The following OCA2 variants were observed in gnomAD, a reference collection of about 807,000 sequenced individuals.
OCA2 encodes OCA2 melanosomal transmembrane protein.
A neutral mutation model predicts 100.2 loss-of-function variants in OCA2; 77 were observed. The ratio of observed to expected loss-of-function variants is 0.77; its 90% CI spans 0.64 to 0.93. The LOEUF (loss-of-function observed/expected upper bound fraction) is 0.93. Ranked by LOEUF, OCA2 falls within the 40% of genes least tolerant of loss-of-function variation. The pLI, the probability that OCA2 is intolerant of heterozygous loss-of-function variation, is 0.00. For synonymous variants in OCA2, 432 were observed against 439.2 expected, an observed-to-expected ratio of 0.98 and a Z score of 0.21; for missense variants, 1,062 against 1,089.1, an observed-to-expected ratio of 0.98 and a Z score of 0.35.
chr15:27,752,959 G>A (rs2030123820), downstream of OCA2, among the ~76,000 whole-genome samples: 1 of 151,994 alleles, frequency 6.6e-6, no homozygotes, highest in Non-Finnish European at 1.5e-5. Flanking sequence ...GAATCAAAGA[G>A]CCAGGCAGTG....
chr15:27,841,080 G>A (rs923873253), intron 23 of OCA2, among the ~76,000 whole-genome samples: 1 of 152,210 alleles, frequency 6.6e-6, no homozygotes, highest in Non-Finnish European at 1.5e-5. Flanking sequence ...TCTTCAGTGA[G>A]GAGATGACTA....
At position 27,837,883 on chromosome 15, in the gene OCA2, GAAA is replaced by G. The variant is rs71414520; in HGVS notation, c.2432+7073_2432+7075del. Among the ~76,000 whole-genome samples, 19 of 88,004 alleles carry G rather than the reference GAAA, an allele frequency of 2.2e-4. No individual in the cohort carries two copies. In the South Asian group the frequency reaches 6.5e-3, roughly 30 times the overall value. 57.7% of individuals were successfully genotyped at this position (88,004 alleles called of 152,430 possible). A position where few individuals can be genotyped will look rare whatever the true frequency, so the allele number is the denominator to read the frequency against. On this transcript the variant is annotated intron_variant, in intron 23 of 23. Coordinates refer to ENST00000354638, the MANE Select transcript of OCA2 (RefSeq NM_000275.3). Reference sequence around the variant, plus strand: ...AAATGAATGGAAATGCCCCACGACTGAAAAAAAAAAAAAAAAGAAAAAAAGCTG... The same window carrying G: ...AAATGAATGGAAATGCCCCACGACTGAAAAAAAAAAAAAGAAAAAAAGCTG...
At chr15:28,071,388 C>T (rs1470839738) in intron 2 of OCA2, among the ~76,000 whole-genome samples, 1 of 152,140 alleles carries the variant, frequency 6.6e-6, no homozygotes, top group Non-Finnish European at 1.5e-5. Context: ...AAACTACCAA[C>T]GTTCTTTACA....
At chr15:27,966,432 G>T (rs545865704) in intron 15 of OCA2, among the ~76,000 whole-genome samples, 23 of 152,162 alleles carry the variant, frequency 1.5e-4, no homozygotes, top group African/African-American at 5.6e-4. Flanking sequence ...GCTTTAGGGG[G>T]TTATGACATG....
intron 19 of OCA2, among the ~76,000 whole-genome samples, chr15:27,916,496 C>G (rs1273155403): frequency 6.6e-6 from 1 of 152,198 alleles, no homozygotes; most frequent in Non-Finnish European, 1.5e-5. Context: ...TTAAAGGACA[C>G]TTAGCATTTC....
Position 27,896,738 on chromosome 15 carries a change from T to C in OCA2, c.2080-24816A>G, listed in dbSNP as rs372238083. Among the ~76,000 whole-genome samples the C allele has an allele frequency of 2.1e-3, 312 of 151,652 alleles. 19 individuals are homozygous for C. In the South Asian group the frequency reaches 0.063, roughly 31 times the overall value. Reference sequence around the variant, plus strand: ...TCAGCTTTAAAAAGAAAACAGAGCATAAAAGTTTGGAAAATTTGCAGCCTG... The same window carrying C: ...TCAGCTTTAAAAAGAAAACAGAGCACAAAAGTTTGGAAAATTTGCAGCCTG... On this transcript the variant is annotated intron_variant, in intron 19 of 23. Transcript: ENST00000354638.
chr15:27,986,202 T>C (rs1469977986), intron 12 of OCA2, among the ~76,000 whole-genome samples: 1 of 152,216 alleles, frequency 6.6e-6, no homozygotes, highest in Admixed American at 6.5e-5. Flanking sequence ...ATATTCAATA[T>C]TTAGGAAGGA....
At position 27,986,625 on chromosome 15, in the gene OCA2, A is replaced by T; in HGVS notation, c.1201T>A (p.Phe401Ile). 1 of 1,594,676 alleles carries T rather than the reference A, an allele frequency of 6.3e-7. No individual in the cohort carries two copies. Among genetic ancestry groups the T allele is most frequent in the African/African-American group, 1.3e-5 (1 of 74,816 alleles). ...TAATCGAAAAATCCCGTTTCTGAAA[A>T]TATGGCTACTAAGATCATCTATGGG... Reference protein sequence around the residue: ...LFGMMILVAIFSETGFFDYCA... With the variant: ...LFGMMILVAIISETGFFDYCA... Residue 401 changes from phenylalanine (F) to isoleucine (I), a missense_variant, in exon 12 of 24, where the codon TTT becomes ATT. Transcript: ENST00000354638.
intron 9 of OCA2, among the ~76,000 whole-genome samples, chr15:28,001,016 A>G (rs1368708862): frequency 6.6e-6 from 1 of 152,188 alleles, no homozygotes; most frequent in Non-Finnish European, 1.5e-5. Flanking sequence ...GGGGGTGCAA[A>G]TTAGTACAGC....
At chr15:27,764,744 G>A (rs1318254066) in intron 23 of OCA2, among the ~76,000 whole-genome samples, 2 of 152,176 alleles carry the variant, frequency 1.3e-5, no homozygotes, top group Non-Finnish European at 2.9e-5. Context: ...GTCCTGGGAA[G>A]GTGAAGGAGT....
intron 23 of OCA2, among the ~76,000 whole-genome samples, chr15:27,758,140 A>G (rs2030534377): frequency 6.6e-6 from 1 of 152,192 alleles, no homozygotes; most frequent in African/African-American, 2.4e-5. Flanking sequence ...TGGGGTCCCA[A>G]AGAATGGCAT....
chr15:27,860,397 C>G (rs1475746448), intron 21 of OCA2, among the ~76,000 whole-genome samples: 2 of 152,182 alleles, frequency 1.3e-5, no homozygotes, highest in Non-Finnish European at 1.5e-5. Context: ...GTTCCTGTCA[C>G]CCAAGCAGTG....
At chr15:27,913,382 AAAAG>A (rs1205985442) in intron 19 of OCA2, among the ~76,000 whole-genome samples, 2 of 152,176 alleles carry the variant, frequency 1.3e-5, no homozygotes, top group Non-Finnish European at 2.9e-5. Flanking sequence ...AAAGCATTTC[AAAAG>A]AAAGAAGGGA....
At chr15:27,913,897 AAG>A (rs2038545499) in intron 19 of OCA2, among the ~76,000 whole-genome samples, 1 of 35,708 alleles carries the variant, frequency 2.8e-5, no homozygotes, top group Non-Finnish European at 6.0e-5. Flanking sequence ...GAAAGAAAGC[AAG>A]CAAGCAAGCA....
At chr15:28,031,092 AG>A (rs1426956565) in intron 3 of OCA2, among the ~76,000 whole-genome samples, 1 of 151,958 alleles carries the variant, frequency 6.6e-6, no homozygotes, top group Non-Finnish European at 1.5e-5. Context: ...AAATTGGGGG[AG>A]GGGGGAAGCT....
intron 3 of OCA2, among the ~76,000 whole-genome samples, 169 bp downstream of exon 3, chr15:28,031,896 C>A (rs544615161): frequency 6.6e-6 from 1 of 152,234 alleles, no homozygotes; most frequent in East Asian, 1.9e-4. Context: ...AAATTAATAT[C>A]CACAGAATAT....
chr15:28,068,203 T>C (rs767317326), intron 2 of OCA2, among the ~76,000 whole-genome samples: 5 of 152,194 alleles, frequency 3.3e-5, no homozygotes, highest in Non-Finnish European at 7.3e-5. Context: ...CCTTTTATTT[T>C]GAGCCTGTGG....
chr15:27,945,162 C>G (rs1414990607), intron 18 of OCA2, among the ~76,000 whole-genome samples: 1 of 152,110 alleles, frequency 6.6e-6, no homozygotes, highest in Non-Finnish European at 1.5e-5. Context: ...TATTAGGAAG[C>G]CTTGGGAATG....
chr15:27,755,923 G>A (rs2030323719), intron 23 of OCA2, among the ~76,000 whole-genome samples: 1 of 152,206 alleles, frequency 6.6e-6, no homozygotes, highest in African/African-American at 2.4e-5. Flanking sequence ...TTGATAAGTA[G>A]TGTTGGAAAC....
Sources: gnomAD v4.1 joint callset for allele counts (sites outside exome capture counted in the v4.1 genomes callset) on GRCh38, gnomAD v4.1.1 for gene constraint, MANE v1.5 for transcripts, NCBI Gene and HGNC (gene_info 2026-07-23, HGNC 2026-07-21) for gene names.